The following RANGAP1 variants were observed in gnomAD, a reference collection of about 807,000 sequenced individuals.
The protein encoded by RANGAP1 is Ran GTPase activating protein 1, also known as ran GTPase-activating protein 1.
Under a neutral mutation model 63.5 loss-of-function variants are expected in RANGAP1, and 38 were observed. The observed-to-expected ratio is 0.60, with a 90% confidence interval of 0.46 to 0.78. The LOEUF (loss-of-function observed/expected upper bound fraction) is 0.78. Among genes scored for constraint, RANGAP1 ranks in the 30% least tolerant of loss-of-function variants. The pLI, the probability that RANGAP1 is intolerant of heterozygous loss-of-function variation, is 0.00. For synonymous variants in RANGAP1, 329 were observed against 310.5 expected, an observed-to-expected ratio of 1.06 and a Z score of -0.63; for missense variants, 630 against 740.3, an observed-to-expected ratio of 0.85 and a Z score of 1.73.
At chr22:41,269,758 C>A (rs995761780) in intron 3 of RANGAP1, among the ~76,000 whole-genome samples, 5 of 147,830 alleles carry the variant, frequency 3.4e-5, no homozygotes, top group Non-Finnish European at 7.5e-5. Flanking sequence ...AAAAAAAAAG[C>A]TGGAAGAGAA....
chr22:41,252,229 G>C (rs758312919), intron 12 of RANGAP1, among the ~76,000 whole-genome samples: 3 of 152,210 alleles, frequency 2.0e-5, no homozygotes, highest in Middle Eastern at 3.4e-3. Context: ...TTGAACCCAG[G>C]AGGCAGAGTC....
chr22:41,261,370 A>G, intron 6 of RANGAP1, 76 bp downstream of exon 6: 1 of 1,587,816 alleles, frequency 6.3e-7, no homozygotes, highest in South Asian at 1.1e-5. Context: ...CCCTGGGATT[A>G]GCATCCAGAA....
At chr22:41,263,091 G>C (rs532476925) in intron 5 of RANGAP1, among the ~76,000 whole-genome samples, 3 of 152,142 alleles carry the variant, frequency 2.0e-5, no homozygotes, top group Non-Finnish European at 4.4e-5. Flanking sequence ...TCAAACTCCA[G>C]GGTAGGCCTG....
chr22:41,256,084 CCTT>C lies in RANGAP1; in HGVS notation c.1007_1009del (p.Glu336del). ...CAGCACCTCCTGAAGCTGTTCACAG[CCTT>C]CTTCTCCCAGGGTGTTGCCTGCTCA... On this transcript the variant is annotated inframe_deletion, in exon 10 of 16. Coordinates refer to ENST00000356244, the MANE Select transcript of RANGAP1 (RefSeq NM_002883.4). 6.2e-7 allele frequency: 1 copy of C among 1,614,128 alleles called. No individual in the cohort carries two copies.
At position 41,245,391 on chromosome 22, in the gene RANGAP1, G is replaced by A. The variant is rs2032965100; in HGVS notation, c.*1212C>T. Among the ~76,000 whole-genome samples, 1 of 152,240 alleles carries A rather than the reference G, an allele frequency of 6.6e-6. No individual in the cohort carries two copies. Among genetic ancestry groups the A allele is most frequent in the Admixed American group, 6.5e-5 (1 of 15,288 alleles). ...CAACGCAGAAGCCAAGCGAGCTGCA[G>A]CCCAAAGGCAGGGTGCTGGGTGAGG... On this transcript the variant is annotated 3_prime_UTR_variant, in exon 16 of 16. Coordinates refer to ENST00000356244, the MANE Select transcript of RANGAP1 (RefSeq NM_002883.4).
intron 4 of RANGAP1, among the ~76,000 whole-genome samples, chr22:41,266,012 C>G (rs988173447): frequency 6.6e-6 from 1 of 152,098 alleles, no homozygotes; most frequent in East Asian, 1.9e-4. Context: ...ACCATCCTGG[C>G]TAACACAGTG....
chr22:41,280,624 G>C, intron 2 of RANGAP1: 1 of 1,266,884 alleles, frequency 7.9e-7, no homozygotes, highest in Non-Finnish European at 1.0e-6. Flanking sequence ...CGGATATTAA[G>C]TCAGAGTCAG....
intron 1 of RANGAP1, 59 bp from the exon 2 acceptor site, chr22:41,281,141 C>T (rs1601718035): frequency 1.4e-6 from 2 of 1,438,134 alleles, no homozygotes; most frequent in African/African-American, 2.8e-5. Flanking sequence ...TGGTTGGGGG[C>T]AGGGTAGGAC....
chr22:41,294,795 G>A, the RANGAP1 span, among the ~76,000 whole-genome samples: 2 of 123,904 alleles, frequency 1.6e-5, no homozygotes, highest in Admixed American at 8.4e-5. Context: ...CGTCTGAGAA[G>A]TGAGGAGCCC....
chr22:41,278,199 C>T (rs9611540), intron 2 of RANGAP1, among the ~76,000 whole-genome samples: 43,807 of 151,966 alleles, frequency 0.29, 7,328 homozygotes, highest in Admixed American at 0.5. Context: ...CCACCACGCC[C>T]GGCTAATTTT....
chr22:41,255,550 C>A (rs2033774821), intron 10 of RANGAP1, among the ~76,000 whole-genome samples: 1 of 141,018 alleles, frequency 7.1e-6, no homozygotes, highest in Non-Finnish European at 1.5e-5. Flanking sequence ...CCCCATCACT[C>A]CCCAGGCCCC....
At chr22:41,296,807 G>C in the RANGAP1 span, among the ~76,000 whole-genome samples, 1 of 152,182 alleles carries the variant, frequency 6.6e-6, no homozygotes, top group Non-Finnish European at 1.5e-5. Context: ...TTTATTTTAA[G>C]GAATTGGCTC....
intron 2 of RANGAP1, 115 bp downstream of exon 2, chr22:41,280,818 C>T (rs922525495): frequency 1.2e-5 from 18 of 1,543,636 alleles, no homozygotes; most frequent in Admixed American, 3.8e-5. Context: ...CCTCACAGAG[C>T]TGCTGGGACA....
chr22:41,276,267 A>C (rs139528), intron 2 of RANGAP1, among the ~76,000 whole-genome samples: 110,725 of 152,134 alleles, frequency 0.73, 41,203 homozygotes, highest in Middle Eastern at 0.8. Context: ...GTGTGTTTTT[A>C]ACTATTTGAA....
intron 12 of RANGAP1, among the ~76,000 whole-genome samples, chr22:41,251,963 C>T (rs1601594704): frequency 1.3e-5 from 2 of 152,098 alleles, no homozygotes; most frequent in South Asian, 2.1e-4. Context: ...AGCAATTGGC[C>T]GAAATGTTAA....
At chr22:41,277,108 C>CG (rs2035195722) in intron 2 of RANGAP1, among the ~76,000 whole-genome samples, 1 of 111,920 alleles carries the variant, frequency 8.9e-6, no homozygotes, top group African/African-American at 3.6e-5. Context: ...GACGGAGTCT[C>CG]GCTCTGTTGC....
chr22:41,295,083 C>T, the RANGAP1 span, among the ~76,000 whole-genome samples: 2 of 122,736 alleles, frequency 1.6e-5, no homozygotes, highest in African/African-American at 6.4e-5. Flanking sequence ...GTGGGGGGGT[C>T]AGCCCCCCGC....
In RANGAP1 at chr22:41,257,215, C is replaced by T. The variant is rs1184613307; in HGVS notation, c.775-391G>A. On this transcript the variant is annotated intron_variant, in intron 7 of 15. Coordinates refer to ENST00000356244, the MANE Select transcript of RANGAP1 (RefSeq NM_002883.4). This position sits in a 1 kb window ranked among gnomAD's most constrained non-coding sequence, Gnocchi z 4.0. Reference sequence around the variant, plus strand: ...CTGCCCTAAGTCTGATTTGAACTTCCTTCTGGCGTGTTCCCCAACACCTGC... The same window carrying T: ...CTGCCCTAAGTCTGATTTGAACTTCTTTCTGGCGTGTTCCCCAACACCTGC... 1.3e-5 allele frequency among the ~76,000 whole-genome samples: 2 copies of T among 152,154 alleles called. No individual in the cohort carries two copies. The highest frequency in any genetic ancestry group is 1.3e-4 in the Admixed American group (2 of 15,268).
chr22:41,267,349 T>C (rs997839850), intron 4 of RANGAP1, among the ~76,000 whole-genome samples: 1 of 151,364 alleles, frequency 6.6e-6, no homozygotes, highest in South Asian at 2.1e-4. Context: ...TAAAAAAAAA[T>C]AAAAGGAGGT....
Sources: allele counts gnomAD v4.1 joint callset (sites outside exome capture counted in the v4.1 genomes callset), GRCh38; gene constraint gnomAD v4.1.1; non-coding constraint Gnocchi (gnomAD v3.1); transcripts MANE v1.5; gene names NCBI Gene and HGNC (gene_info 2026-07-23, HGNC 2026-07-21).